Variants in INSRR observed in about 807,000 individuals in gnomAD.
INSRR encodes the protein insulin receptor related receptor, also known as insulin receptor-related protein.
INSRR carries 114 observed loss-of-function variants against 130.0 expected under a neutral mutation model. That is an observed-to-expected ratio of 0.88 (90% CI 0.75 to 1.02). The LOEUF is 1.02. Ranked by LOEUF, INSRR falls within the 50% of genes least tolerant of loss-of-function variation. The pLI, the probability that INSRR is intolerant of heterozygous loss-of-function variation, is 0.00. For synonymous variants in INSRR, 674 were observed against 705.2 expected, an observed-to-expected ratio of 0.96 and a Z score of 0.70; for missense variants, 1,657 against 1,735.2, an observed-to-expected ratio of 0.95 and a Z score of 0.80.
Position 156,840,983 on chromosome 1 carries a change from T to G in INSRR, c.3784A>C (p.Ser1262Arg). 1 of 1,613,544 alleles carries G rather than the reference T, an allele frequency of 6.2e-7. No individual in the cohort carries two copies. Among genetic ancestry groups the G allele is most frequent in the East Asian group, 2.2e-5 (1 of 44,864 alleles). The change falls in exon 22 of 22, where the codon AGC becomes CGC. Residue 1262 changes from serine (S) to arginine (R), a missense_variant. Coordinates refer to ENST00000368195, the MANE Select transcript of INSRR (RefSeq NM_014215.3). ...PSFRLLSFYY[S>R]PECRGARGSL... ...CCCCGGGCCCCCCGGCATTCCGGGC[T>G]GTAGTAGAAGGAGAGGAGGCGGAAG...
chr1:156,852,297 AC>A, intron 2 of INSRR, 106 bp from the exon 3 acceptor site: 1 of 1,115,246 alleles, frequency 9.0e-7, no homozygotes, highest in Non-Finnish European at 1.3e-6. Flanking sequence ...CTCAATCTGC[AC>A]CCAGGTCCCT....
At chr1:156,841,968 A>G (rs1444986208) in intron 19 of INSRR, 144 bp downstream of exon 19, 1 of 1,552,112 alleles carries the variant, frequency 6.4e-7, no homozygotes. Context: ...CTGCCCTTGG[A>G]CAAGAGACTA....
rs1655355820 is a variant in INSRR, at chr1:156,854,944, A to G, written c.86-641T>C. 1.3e-5 allele frequency among the ~76,000 whole-genome samples: 2 copies of G among 152,084 alleles called. No homozygotes were observed. The highest frequency in any genetic ancestry group is 4.8e-5 in the African/African-American group (2 of 41,400). ...GGCCCTGCACAGTTTGAGCCCTTGT[A>G]GCCTCTCTGATTTCATCCTTTTTAT... On this transcript the variant is annotated intron_variant, in intron 1 of 21. Coordinates refer to ENST00000368195, the MANE Select transcript of INSRR (RefSeq NM_014215.3). The surrounding 1 kb of genome is among the most constrained non-coding windows in gnomAD (Gnocchi z 4.2).
intron 4 of INSRR, 30 bp from the exon 5 acceptor site, chr1:156,851,464 G>T: frequency 1.2e-6 from 2 of 1,613,708 alleles, no homozygotes; most frequent in South Asian, 2.2e-5. Flanking sequence ...GCTGGAGTAG[G>T]AGCAAGGAAG....
intron 2 of INSRR, 64 bp downstream of exon 2, chr1:156,853,688 C>T: frequency 6.7e-7 from 1 of 1,492,468 alleles, no homozygotes; most frequent in South Asian, 1.3e-5. Context: ...ATCCTGTGGC[C>T]ACCCAGCCCC....
At position 156,851,363 on chromosome 1, in the gene INSRR, G is replaced by T. The variant is rs1655198899; in HGVS notation, c.1156C>A (p.His386Asn). 2.2e-5 allele frequency: 35 copies of T among 1,613,966 alleles called. No individual in the cohort carries two copies. The highest frequency in any genetic ancestry group is 2.7e-5 in the Non-Finnish European group (32 of 1,179,966). Reference protein sequence around the residue: ...ETITGFLKIKHSFALVSLGFF... With the variant: ...ETITGFLKIKNSFALVSLGFF... ...CCCAGGGACACGAGGGCAAAGGAGT[G>T]CTTGATTTTGAGGAAGCCAGTAATG... Residue 386 changes from histidine to asparagine, a missense_variant, in exon 5 of 22, where the codon CAC becomes AAC. His to Asn is a moderately conservative substitution (Grantham distance 68, BLOSUM62 1). Transcript: ENST00000368195.
intron 5 of INSRR, 126 bp from the exon 6 acceptor site, chr1:156,849,586 C>A: frequency 2.9e-6 from 2 of 678,914 alleles, no homozygotes; most frequent in South Asian, 3.5e-5. Context: ...CAGTGGCTGG[C>A]TCACACCAGC....
At chr1:156,844,393 G>A in intron 14 of INSRR, 69 bp downstream of exon 14, 1 of 1,574,378 alleles carries the variant, frequency 6.4e-7, no homozygotes, top group Non-Finnish European at 8.7e-7. Flanking sequence ...CGGGGGAGGG[G>A]CCTGTGGTGG....
intron 2 of INSRR, 113 bp from the exon 3 acceptor site, chr1:156,852,304 TC>T: frequency 9.7e-7 from 1 of 1,032,076 alleles, no homozygotes; most frequent in Non-Finnish European, 1.4e-6. Flanking sequence ...TGCACCCAGG[TC>T]CCTCCCATTC....
chr1:156,855,305 G>T (rs1336029820), intron 1 of INSRR, among the ~76,000 whole-genome samples: 1 of 152,042 alleles, frequency 6.6e-6, no homozygotes, highest in Non-Finnish European at 1.5e-5. Flanking sequence ...CTGAGTTCAA[G>T]TGATTCTCCT....
rs1655353195 is a variant in INSRR, at chr1:156,854,874, A to AC, written c.86-572dup. ...GGATCACGTTTCTCCTCTGCTTATAACCCCCCGTGACTTCCATCTCTCTTG... is the reference window on the plus strand; with the variant it reads ...GGATCACGTTTCTCCTCTGCTTATAACCCCCCCGTGACTTCCATCTCTCTTG... On this transcript the variant is annotated intron_variant, in intron 1 of 21. Transcript: ENST00000368195. This position sits in a 1 kb window ranked among gnomAD's most constrained non-coding sequence, Gnocchi z 4.2. 1.3e-5 allele frequency among the ~76,000 whole-genome samples: 2 copies of AC among 151,342 alleles called. No homozygotes were observed. Among genetic ancestry groups the AC allele is most frequent in the African/African-American group, 4.9e-5 (2 of 41,166 alleles).
chr1:156,845,233 G>T lies in INSRR; in HGVS notation c.2280C>A (p.Phe760Leu). ...PLRLGGNSSD[F>L]EIQEDKVPRE... ...GGGGCACCTTGTCCTCCTGGATCTC[G>T]AAATCCGAGCTGTTGCCCCCCAGCC... Residue 760 changes from phenylalanine (F) to leucine (L), a missense_variant, in exon 12 of 22, where the codon TTC becomes TTA. Transcript: ENST00000368195. 1 of 1,610,318 alleles carries T rather than the reference G, an allele frequency of 6.2e-7. No homozygotes were observed.
Position 156,853,987 on chromosome 1 carries a change from C to T in INSRR, c.402G>A (p.Val134=). ...RDVALPALGA[V]LRGAVRVEKN... ...TCTCCACACGCACAGCCCCACGCAG[C>T]ACGGCCCCAAGTGCAGGCAGTGCCA... is the stretch of plus-strand genomic sequence containing the variant. The change falls in exon 2 of 22, where the codon GTG becomes GTA. Residue 134 remains valine, a synonymous_variant. Transcript: ENST00000368195. 6.2e-7 allele frequency: 1 copy of T among 1,613,482 alleles called. No individual in the cohort carries two copies. Among genetic ancestry groups the T allele is most frequent in the Non-Finnish European group, 8.5e-7 (1 of 1,179,584 alleles).
chr1:156,850,443 C>A (rs892742872), intron 5 of INSRR, among the ~76,000 whole-genome samples: 1 of 151,510 alleles, frequency 6.6e-6, no homozygotes, highest in East Asian at 1.9e-4. Flanking sequence ...AACTCCTGAC[C>A]GCATGGTGAT....
chr1:156,850,104 G>A (rs1655150072), intron 5 of INSRR, among the ~76,000 whole-genome samples: 1 of 152,102 alleles, frequency 6.6e-6, no homozygotes. Context: ...GTTTCACCAT[G>A]TTGCCCAGGC....
At chr1:156,856,582 C>T (rs2102872950) in intron 1 of INSRR, among the ~76,000 whole-genome samples, 1 of 152,306 alleles carries the variant, frequency 6.6e-6, no homozygotes, top group South Asian at 2.1e-4. Flanking sequence ...TTAATCACTT[C>T]CCCTTTAGGC....
At chr1:156,841,884 ATCC>A in intron 19 of INSRR, 90 bp from the exon 20 acceptor site, 1 of 1,605,470 alleles carries the variant, frequency 6.2e-7, no homozygotes, top group Admixed American at 1.7e-5. Context: ...CAATCTTCTC[ATCC>A]TCCAGAGTCA....
chr1:156,855,881 T>C (rs1484329257), intron 1 of INSRR, among the ~76,000 whole-genome samples: 1 of 152,008 alleles, frequency 6.6e-6, no homozygotes, highest in East Asian at 1.9e-4. Context: ...CCCTTCTGCT[T>C]TATTTTTCTC....
At position 156,845,304 on chromosome 1, in the gene INSRR, G is replaced by C; in HGVS notation, c.2217-8C>G. The stretch of plus-strand genomic sequence containing the variant: ...CGGTGCCGCCCTGAGTCCCTGGGGA[G>C]AGCGAGTCAGAGCCAAGGCCCAGCC... On this transcript the variant is annotated splice_region_variant and splice_polypyrimidine_tract_variant and intron_variant, in intron 11 of 21. Transcript: ENST00000368195. The C allele has an allele frequency of 6.2e-7, 1 of 1,612,112 alleles. No homozygotes were observed. Among genetic ancestry groups the C allele is most frequent in the African/African-American group, 1.3e-5 (1 of 75,026 alleles).
Sources: allele counts gnomAD v4.1 joint callset (sites outside exome capture counted in the v4.1 genomes callset), GRCh38; gene constraint gnomAD v4.1.1; non-coding constraint Gnocchi (gnomAD v3.1); transcripts MANE v1.5; gene names NCBI Gene and HGNC (gene_info 2026-07-23, HGNC 2026-07-21).